Variants in ZNF804B observed in about 807,000 individuals in gnomAD.
The protein encoded by ZNF804B is zinc finger protein 804B.
ZNF804B carries 80 observed loss-of-function variants against 101.4 expected under a neutral mutation model. The observed-to-expected ratio is 0.79, with a 90% CI of 0.66 to 0.95. The LOEUF is 0.95. Among genes scored for constraint, ZNF804B ranks in the 40% least tolerant of loss-of-function variants. The pLI, the probability that ZNF804B is intolerant of heterozygous loss-of-function variation, is 0.00. For synonymous variants in ZNF804B, 622 were observed against 558.8 expected (o/e 1.11, Z -1.59); for missense variants, 1,673 against 1,561.9 (o/e 1.07, Z -1.20).
intron 1 of ZNF804B, among the ~76,000 whole-genome samples, chr7:88,764,736 A>T (rs993949812): frequency 6.6e-6 from 1 of 152,156 alleles, no homozygotes; most frequent in African/African-American, 2.4e-5. Flanking sequence ...TGCCTAATAA[A>T]TACACATTAA....
At chr7:89,193,941 A>T (rs1394626844) in intron 1 of ZNF804B, among the ~76,000 whole-genome samples, 11 of 152,028 alleles carry the variant, frequency 7.2e-5, no homozygotes, top group Non-Finnish European at 8.8e-5. Flanking sequence ...AGTGTAAAAG[A>T]GTTCCTTTTT....
chr7:89,173,270 GTATT>G (rs1174875552), intron 1 of ZNF804B, among the ~76,000 whole-genome samples: 1 of 151,748 alleles, frequency 6.6e-6, no homozygotes, highest in African/African-American at 2.4e-5. Context: ...TCTCTTCTCT[GTATT>G]TATTAATTGT....
Position 89,333,836 on chromosome 7 carries a change from C to G in ZNF804B, c.854C>G (p.Pro285Arg). 2 of 1,611,416 alleles carry G rather than the reference C, an allele frequency of 1.2e-6. No homozygotes were observed. The highest frequency in any genetic ancestry group is 1.7e-6 in the Non-Finnish European group (2 of 1,178,600). ...LTKEKEVNISPSHLESVLHNT... is the reference protein window; with the variant it reads ...LTKEKEVNISRSHLESVLHNT... Reference sequence around the variant, plus strand: ...AAGGAAAAAGAGGTAAATATCTCACCAAGCCATCTGGAAAGTGTTTTACAC... The same window carrying G: ...AAGGAAAAAGAGGTAAATATCTCACGAAGCCATCTGGAAAGTGTTTTACAC... The change falls in exon 4 of 4, where the codon CCA (proline) becomes CGA (arginine). Residue 285 changes from proline to arginine, a missense_variant. Transcript: ENST00000333190.
chr7:89,139,486 A>G (rs1790685606), intron 1 of ZNF804B, among the ~76,000 whole-genome samples: 1 of 152,146 alleles, frequency 6.6e-6, no homozygotes, highest in African/African-American at 2.4e-5. Context: ...AACACCTTTA[A>G]AAATGGAATC....
chr7:89,107,476 G>A (rs1014781439), intron 1 of ZNF804B, among the ~76,000 whole-genome samples: 9 of 151,994 alleles, frequency 5.9e-5, no homozygotes, highest in African/African-American at 2.2e-4. Context: ...AAATCTATGG[G>A]GATACTCTTA....
In ZNF804B at chr7:88,935,814, C is replaced by G. The variant is rs566681493; in HGVS notation, c.108+175730C>G. On this transcript the variant is annotated intron_variant, in intron 1 of 3. Coordinates refer to ENST00000333190, the MANE Select transcript of ZNF804B (RefSeq NM_181646.5). The stretch of plus-strand genomic sequence containing the variant: ...TTTTTATCCTATTTGGAAGTCTGTT[C>G]AACTACTAATGACAGTTACAGGACT... Among the ~76,000 whole-genome samples the G allele has an allele frequency of 1.1e-4, 16 of 151,990 alleles. No individual in the cohort carries two copies. The South Asian group carries it at 1.9e-3, about 18-fold the overall frequency.
intron 1 of ZNF804B, among the ~76,000 whole-genome samples, chr7:89,205,276 CT>C (rs1176845992): frequency 6.6e-6 from 1 of 152,168 alleles, no homozygotes; most frequent in Non-Finnish European, 1.5e-5. Context: ...CATTCTGCCC[CT>C]GGTTCCTCCC....
chr7:88,845,301 G>GCACACACACA lies in ZNF804B; in HGVS notation c.108+85228_108+85237dup, dbSNP rs372272018. Among the ~76,000 whole-genome samples the GCACACACACA allele has an allele frequency of 9.0e-3, 1,356 of 150,000 alleles. 8 individuals carry two copies. The highest frequency in any genetic ancestry group is 0.012 in the Admixed American group (188 of 15,166). On this transcript the variant is annotated intron_variant, in intron 1 of 3. Transcript: ENST00000333190. Reference sequence around the variant, plus strand: ...TGCGCACGCGCGCGCGCACGCGCGCGCACACACACACACACACACAATAAC... The same window carrying GCACACACACA: ...TGCGCACGCGCGCGCGCACGCGCGCGCACACACACACACACACACACACACACACAATAAC...
intron 1 of ZNF804B, among the ~76,000 whole-genome samples, chr7:89,126,048 A>C (rs904941240): frequency 6.6e-6 from 1 of 151,994 alleles, no homozygotes; most frequent in Admixed American, 6.6e-5. Flanking sequence ...CAGATTGTCC[A>C]TGGCAATTCA....
chr7:89,222,591 A>G (rs931988583), intron 2 of ZNF804B, among the ~76,000 whole-genome samples: 1 of 151,926 alleles, frequency 6.6e-6, no homozygotes, highest in Non-Finnish European at 1.5e-5. Flanking sequence ...CAAATCCAGA[A>G]TTTCCTTACA....
chr7:88,780,386 C>CTT (rs34619990), intron 1 of ZNF804B, among the ~76,000 whole-genome samples: 10,078 of 111,120 alleles, frequency 0.091, 1,087 homozygotes, highest in East Asian at 0.22. Flanking sequence ...ACTTTTTTGT[C>CTT]TTTTTTTTTT....
intron 1 of ZNF804B, among the ~76,000 whole-genome samples, chr7:89,032,493 ACTTT>A (rs1256394915): frequency 3.9e-5 from 6 of 152,272 alleles, no homozygotes; most frequent in Admixed American, 1.3e-4. Context: ...AGGTTTACTT[ACTTT>A]CTTTTCTTCA....
At chr7:89,269,876 C>T (rs1029842431) in intron 2 of ZNF804B, among the ~76,000 whole-genome samples, 19 of 152,142 alleles carry the variant, frequency 1.2e-4, no homozygotes, top group African/African-American at 4.3e-4. Context: ...TGAGAAGTGT[C>T]TGTTCATATC....
chr7:89,117,819 C>A (rs1790333662), intron 1 of ZNF804B, among the ~76,000 whole-genome samples: 1 of 152,074 alleles, frequency 6.6e-6, no homozygotes, highest in East Asian at 1.9e-4. Context: ...AAATGTAAAA[C>A]CACACTTTGA....
intron 1 of ZNF804B, among the ~76,000 whole-genome samples, chr7:88,950,585 T>G (rs1213974689): frequency 6.6e-6 from 1 of 151,882 alleles, no homozygotes; most frequent in Admixed American, 6.6e-5. Context: ...CTCTGTGCTA[T>G]TTTGTAAGTC....
At chr7:89,058,944 T>C (rs913368670) in intron 1 of ZNF804B, among the ~76,000 whole-genome samples, 1 of 65,256 alleles carries the variant, frequency 1.5e-5, no homozygotes, top group African/African-American at 6.5e-5. Context: ...TCTTCGAAGT[T>C]TGGCCTCCTA....
chr7:89,220,906 T>G (rs1170270309), intron 2 of ZNF804B, among the ~76,000 whole-genome samples: 1 of 152,048 alleles, frequency 6.6e-6, no homozygotes, highest in Admixed American at 6.6e-5. Context: ...TTCTACTCAC[T>G]GTTATCTTTC....
At chr7:88,952,526 A>G (rs1364794378) in intron 1 of ZNF804B, among the ~76,000 whole-genome samples, 7 of 151,726 alleles carry the variant, frequency 4.6e-5, no homozygotes, top group Non-Finnish European at 1.0e-4. Context: ...TAGTACTTTG[A>G]TATAGCTGAT....
At chr7:89,203,562 A>AT (rs1451837776) in intron 1 of ZNF804B, among the ~76,000 whole-genome samples, 2 of 152,136 alleles carry the variant, frequency 1.3e-5, no homozygotes, top group East Asian at 1.9e-4. Flanking sequence ...GTAAAGCATA[A>AT]TTTTTTTCAC....
Sources: gnomAD v4.1 joint callset for allele counts (sites outside exome capture counted in the v4.1 genomes callset) on GRCh38, gnomAD v4.1.1 for gene constraint, MANE v1.5 for transcripts, NCBI Gene and HGNC (gene_info 2026-07-23, HGNC 2026-07-21) for gene names.